AVEN: variants seen among roughly 807,000 people sequenced by gnomAD.
AVEN encodes the protein cell death regulator Aven.
AVEN carries 41 observed loss-of-function variants against 38.1 expected under a neutral mutation model. The ratio of observed to expected loss-of-function variants is 1.08; its 90% CI spans 0.84 to 1.40. The LOEUF (loss-of-function observed/expected upper bound fraction) is 1.40. AVEN is among the 40% of genes most tolerant of loss of function. The pLI, the probability that AVEN is intolerant of heterozygous loss-of-function variation, is 0.00. For synonymous variants in AVEN, 206 were observed against 171.8 expected (o/e 1.20, Z -1.56); for missense variants, 605 against 438.8 (o/e 1.38, Z -3.38).
At chr15:33,989,780 T>C (rs1389041018) in intron 2 of AVEN, among the ~76,000 whole-genome samples, 10 of 151,958 alleles carry the variant, frequency 6.6e-5, no homozygotes, top group African/African-American at 1.2e-4. Flanking sequence ...GAAGCATTTA[T>C]TTGCTCTCCT....
At chr15:33,937,648 C>A (rs1241459298) in intron 2 of AVEN, among the ~76,000 whole-genome samples, 1 of 151,950 alleles carries the variant, frequency 6.6e-6, no homozygotes, top group African/African-American at 2.4e-5. Context: ...GGGAGGTAAT[C>A]AGATTTAGAC....
intron 2 of AVEN, among the ~76,000 whole-genome samples, chr15:33,989,357 A>G (rs1380565761): frequency 6.6e-6 from 1 of 152,098 alleles, no homozygotes; most frequent in East Asian, 1.9e-4. Context: ...ATAGAACTTT[A>G]TAATTTGTAA....
At chr15:33,893,172 C>T (rs975821178) in intron 2 of AVEN, among the ~76,000 whole-genome samples, 2 of 152,162 alleles carry the variant, frequency 1.3e-5, no homozygotes, top group African/African-American at 4.8e-5. Context: ...CAAACAGGGA[C>T]AATTTGACTT....
At chr15:34,029,719 G>A (rs938236638) in intron 1 of AVEN, among the ~76,000 whole-genome samples, 1 of 152,034 alleles carries the variant, frequency 6.6e-6, no homozygotes, top group Non-Finnish European at 1.5e-5. Flanking sequence ...TTTTCATCAA[G>A]GTTTGCTCCC....
chr15:33,897,426 T>C (rs28736767), intron 2 of AVEN, among the ~76,000 whole-genome samples: 124,472 of 151,934 alleles, frequency 0.82, 55,084 homozygotes, highest in Non-Finnish European at 0.98. Context: ...GCCTCCACCA[T>C]GCCTGGCTAA....
intron 2 of AVEN, among the ~76,000 whole-genome samples, chr15:33,973,212 T>C (rs988732077): frequency 1.3e-5 from 2 of 152,212 alleles, no homozygotes; most frequent in East Asian, 1.9e-4. Flanking sequence ...ATTATCACTA[T>C]AGAAATGTAG....
chr15:34,065,337 AT>A (rs1431077923), intron 4 of AVEN: 1 of 152,178 alleles, frequency 6.6e-6, no homozygotes, highest in Non-Finnish European at 1.5e-5. Flanking sequence ...TGGAAAACAG[AT>A]TTGCTTTTGA....
intron 1 of AVEN, among the ~76,000 whole-genome samples, chr15:34,014,939 G>C (rs1897816574): frequency 6.6e-6 from 1 of 152,186 alleles, no homozygotes. Context: ...GGAAGGGTCA[G>C]ATACAGGGGG....
intron 3 of AVEN, among the ~76,000 whole-genome samples, chr15:33,871,332 C>T (rs1254410712): frequency 5.9e-5 from 9 of 152,030 alleles, no homozygotes; most frequent in African/African-American, 1.4e-4. Context: ...TTCAGGAGGC[C>T]GAGGCGGGTG....
At chr15:34,046,342 GGA>G (rs1491503090) in intron 5 of AVEN, among the ~76,000 whole-genome samples, 31 of 12,362 alleles carry the variant, frequency 2.5e-3, no homozygotes, top group African/African-American at 5.2e-3. Context: ...AAGTGAGGCA[GGA>G]AAAAAAAAAA....
intron 2 of AVEN, among the ~76,000 whole-genome samples, chr15:34,002,671 G>T (rs1464839797): frequency 6.6e-6 from 1 of 152,094 alleles, no homozygotes; most frequent in African/African-American, 2.4e-5. Context: ...ATATATTCTA[G>T]AAACTTTATA....
intron 5 of AVEN, among the ~76,000 whole-genome samples, chr15:34,055,337 A>G (rs1900097482): frequency 6.6e-6 from 1 of 151,544 alleles, no homozygotes; most frequent in African/African-American, 2.4e-5. Context: ...ATCTCTACTA[A>G]AAATACAAAA....
intron 1 of AVEN, among the ~76,000 whole-genome samples, chr15:34,025,838 C>A (rs1397264884): frequency 1.3e-5 from 2 of 152,074 alleles, no homozygotes; most frequent in Admixed American, 6.6e-5. Context: ...CCTGTCCAAA[C>A]TCAAGTGATC....
intron 1 of AVEN, among the ~76,000 whole-genome samples, chr15:34,019,975 CAA>C (rs1567471420): frequency 1.3e-5 from 2 of 152,172 alleles, no homozygotes; most frequent in Non-Finnish European, 2.9e-5. Flanking sequence ...ACAACAAGTT[CAA>C]AAGAGTCTTG....
intron 2 of AVEN, among the ~76,000 whole-genome samples, chr15:34,002,116 A>G (rs1209224947): frequency 6.6e-6 from 1 of 152,142 alleles, no homozygotes; most frequent in Admixed American, 6.5e-5. Context: ...TAATATCACA[A>G]CCAGAAGACT....
chr15:33,866,668 G>GAGGT lies in AVEN; in HGVS notation c.1030_1033dup (p.Ser345TyrfsTer56). On this transcript the variant is annotated frameshift_variant, in exon 6 of 6. Coordinates refer to ENST00000306730, the MANE Select transcript of AVEN (RefSeq NM_020371.3). LOFTEE classifies it high-confidence loss of function. Reference sequence around the variant, plus strand: ...CAGCTCTTCCTCGGTAACATTTTTGGAGGTACTTGGTTGCTCAGGTTCCAT... The same window carrying GAGGT: ...CAGCTCTTCCTCGGTAACATTTTTGGAGGTAGGTACTTGGTTGCTCAGGTTCCAT... The GAGGT allele has an allele frequency of 6.2e-7, 1 of 1,613,982 alleles. No homozygotes were observed. Among genetic ancestry groups the GAGGT allele is most frequent in the Non-Finnish European group, 8.5e-7 (1 of 1,179,930 alleles).
intron 2 of AVEN, among the ~76,000 whole-genome samples, chr15:33,900,001 A>C (rs900762828): frequency 3.3e-5 from 5 of 152,078 alleles, no homozygotes; most frequent in African/African-American, 1.2e-4. Context: ...CAGAGAATCT[A>C]ACTTACAGCA....
intron 2 of AVEN, among the ~76,000 whole-genome samples, chr15:34,068,942 G>T (rs1900576384): frequency 6.6e-6 from 1 of 151,668 alleles, no homozygotes. Context: ...CTCCCCAGTA[G>T]CTGGGACTAC....
intron 1 of AVEN, among the ~76,000 whole-genome samples, chr15:34,005,508 T>C (rs1897304689): frequency 6.6e-6 from 1 of 152,180 alleles, no homozygotes; most frequent in African/African-American, 2.4e-5. Flanking sequence ...CTAAATATTT[T>C]TGGCTAAAAT....
Sources: gnomAD v4.1 joint callset for allele counts (sites outside exome capture counted in the v4.1 genomes callset) on GRCh38, gnomAD v4.1.1 for gene constraint, MANE v1.5 for transcripts, NCBI Gene and HGNC (gene_info 2026-07-23, HGNC 2026-07-21) for gene names.